ELMO2: variants seen among roughly 807,000 people sequenced by gnomAD.
ELMO2 encodes engulfment and cell motility 2.
In ELMO2, 37 loss-of-function variants were observed where a neutral mutation model predicts 96.2. The ratio of observed to expected loss-of-function variants is 0.38; its 90% CI spans 0.30 to 0.51. The LOEUF (loss-of-function observed/expected upper bound fraction) is 0.51, where lower values mean the gene tolerates loss of function less well. Among genes scored for constraint, ELMO2 ranks in the 20% least tolerant of loss-of-function variants. ELMO2 has a pLI of 0.88. For synonymous variants in ELMO2, 315 were observed against 329.4 expected, an observed-to-expected ratio of 0.96 and a Z score of 0.47; for missense variants, 561 against 912.6, an observed-to-expected ratio of 0.61 and a Z score of 4.96.
At chr20:46,376,575 T>C in intron 11 of ELMO2, 1 of 1,252,406 alleles carries the variant, frequency 8.0e-7, no homozygotes, top group Non-Finnish European at 1.0e-6. Context: ...ATGCTATGTC[T>C]CCCTCGGTCT....
At position 46,375,099 on chromosome 20, in the gene ELMO2, A is replaced by G; in HGVS notation, c.1065+137T>C. 8.2e-7 allele frequency: 1 copy of G among 1,220,792 alleles called. No individual in the cohort carries two copies. The highest frequency in any genetic ancestry group is 2.4e-5 in the Admixed American group (1 of 42,380). The allele number at this position is 1,220,792 out of a possible 1,614,324, so 75.6% of individuals were successfully genotyped here. A position where few individuals can be genotyped will look rare whatever the true frequency, so the allele number is the denominator to read the frequency against. ...CCATCAACAAAGCAAAGCAAGCATT[A>G]AAGCTCCACCAGCTTCCTAACTGTC... On this transcript the variant is annotated intron_variant, in intron 13 of 21. Transcript: ENST00000290246. This position sits in a 1 kb window ranked among gnomAD's most constrained non-coding sequence, Gnocchi z 4.6.
rs1310542452 is a variant in ELMO2, at chr20:46,369,962, G to A, written c.1884+481C>T. On this transcript the variant is annotated intron_variant, in intron 20 of 21. Coordinates refer to ENST00000290246, the MANE Select transcript of ELMO2 (RefSeq NM_133171.5). ...TGGTTTAGACAAGATGGGTATGGGG[G>A]TGTGTGTGTGTGTGTGTGTGTGTGT... 1.2e-3 allele frequency: 5 copies of A among 4,084 alleles called. No individual in the cohort carries two copies. In the Non-Finnish European group the frequency reaches 0.02, roughly 17 times the overall value. The allele number at this position is 4,084 out of a possible 1,614,324, so 0.3% of individuals were successfully genotyped here.
chr20:46,392,453 CCTT>C (rs1377783000), intron 6 of ELMO2, among the ~76,000 whole-genome samples: 5 of 152,224 alleles, frequency 3.3e-5, no homozygotes, highest in African/African-American at 4.8e-5. Flanking sequence ...CTACCACCAA[CCTT>C]CTTCTTAAGG....
rs2059608427 is a variant in ELMO2, at chr20:46,367,554, T to C, written c.1969A>G (p.Ile657Val). ...FIAPNKYEYC[I>V]WIDGLSALLG... ...AGGGCACTGAGGCCATCAATCCAGA[T>C]GCAGTACTGTGGGGAGCAAGTTGCA... The change falls in exon 22 of 22, where the codon ATC becomes GTC. Residue 657 changes from isoleucine (I) to valine (V), a missense_variant. Ile to Val is a conservative substitution (Grantham distance 29). Transcript: ENST00000290246. 3.7e-6 allele frequency: 6 copies of C among 1,610,578 alleles called. No homozygotes were observed. In the East Asian group the frequency reaches 1.3e-4, roughly 36 times the overall value.
In ELMO2 at chr20:46,385,984, G is replaced by A. The variant is rs1303651470; in HGVS notation, c.677+140C>T. ...AATGATGGGAGAAATTCTGGCAGGA[G>A]TGTGGAAGAGGTGATGAATGAAGAA... On this transcript the variant is annotated intron_variant, in intron 9 of 21. Transcript: ENST00000290246. 1.8e-5 allele frequency: 16 copies of A among 891,072 alleles called. No homozygotes were observed. In the African/African-American group the frequency reaches 2.1e-4, roughly 12 times the overall value. 55.2% of individuals were successfully genotyped at this position (891,072 alleles called of 1,614,324 possible). A position where few individuals can be genotyped will look rare whatever the true frequency, so the allele number is the denominator to read the frequency against.
intron 20 of ELMO2, chr20:46,369,964 GTGTGTGTGTGT>G (rs1600816811): frequency 1.1e-3 from 6 of 5,450 alleles, no homozygotes; most frequent in East Asian, 0.028. Flanking sequence ...GTATGGGGGT[GTGTGTGTGTGT>G]GTGTGTGTGT....
intron 11 of ELMO2, chr20:46,376,582 G>T (rs573936200): frequency 2.4e-6 from 3 of 1,272,176 alleles, no homozygotes; most frequent in South Asian, 2.5e-5. Flanking sequence ...GTCTCCCTCG[G>T]TCTGTCCTAG....
chr20:46,370,993 G>C (rs1185817567), intron 19 of ELMO2, among the ~76,000 whole-genome samples: 2 of 152,204 alleles, frequency 1.3e-5, no homozygotes, highest in Non-Finnish European at 2.9e-5. Context: ...TACAGGAGAA[G>C]AAACCAAGGC....
intron 21 of ELMO2, 37 bp from the exon 22 acceptor site, chr20:46,367,597 C>T (rs748094418): frequency 5.9e-6 from 9 of 1,537,516 alleles, no homozygotes; most frequent in Non-Finnish European, 7.9e-6. Flanking sequence ...ACATCGTGAC[C>T]CCTGGTCAGC....
chr20:46,399,349 G>A (rs1362725853), intron 1 of ELMO2, among the ~76,000 whole-genome samples: 1 of 152,144 alleles, frequency 6.6e-6, no homozygotes, highest in African/African-American at 2.4e-5. Context: ...TAGCCATCCT[G>A]GACTACGGGC....
chr20:46,382,233 G>A lies in ELMO2; in HGVS notation c.756+1183C>T, dbSNP rs751542091. The A allele has an allele frequency of 5.4e-6, 7 of 1,289,852 alleles. No homozygotes were observed. The South Asian group carries it at 7.4e-5, about 14-fold the overall frequency. The allele number at this position is 1,289,852 out of a possible 1,614,324, so 79.9% of individuals were successfully genotyped here. The stretch of plus-strand genomic sequence containing the variant: ...TGACAGGCAGGTCTAGAGGATTAAG[G>A]TGCTTGTCCTGCCGGCAGAAAGCAA... On this transcript the variant is annotated intron_variant, in intron 10 of 21. Transcript: ENST00000290246.
At chr20:46,386,498 C>T (rs2060047161) in intron 8 of ELMO2, among the ~76,000 whole-genome samples, 1 of 152,184 alleles carries the variant, frequency 6.6e-6, no homozygotes, top group South Asian at 2.1e-4. Flanking sequence ...AATTGTGTTT[C>T]CTCAAAATCT....
chr20:46,379,335 C>G (rs993959065), intron 11 of ELMO2, among the ~76,000 whole-genome samples: 3 of 152,052 alleles, frequency 2.0e-5, no homozygotes, highest in Non-Finnish European at 1.5e-5. Context: ...CTCTCCTCCT[C>G]CACTCCCACC....
chr20:46,402,577 G>A (rs2145862725), intron 1 of ELMO2, among the ~76,000 whole-genome samples: 1 of 152,346 alleles, frequency 6.6e-6, no homozygotes, highest in East Asian at 1.9e-4. Flanking sequence ...GCTTGGGTAG[G>A]GAGGGAGTGT....
intron 16 of ELMO2, 27 bp downstream of exon 16, chr20:46,373,372 G>A (rs2059772068): frequency 6.2e-7 from 1 of 1,612,966 alleles, no homozygotes; most frequent in Non-Finnish European, 8.5e-7. Flanking sequence ...CCTCCCGTGG[G>A]CCTCAGAGCA....
At position 46,374,426 on chromosome 20, in the gene ELMO2, G is replaced by A. The variant is rs377000339; in HGVS notation, c.1185C>T (p.Asn395=). The A allele has an allele frequency of 6.2e-7, 1 of 1,614,136 alleles. No individual in the cohort carries two copies. Among genetic ancestry groups the A allele is most frequent in the Non-Finnish European group, 8.5e-7 (1 of 1,180,008 alleles). The change falls in exon 15 of 22, where the codon AAC becomes AAT. Residue 395 remains asparagine (N), a synonymous_variant. Coordinates refer to ENST00000290246, the MANE Select transcript of ELMO2 (RefSeq NM_133171.5). ...QDTYIRIVLE[N]SSREDKHECP... ...ATTCATGTTTGTCTTCCCGGCTACT[G>A]TTCTCCAAGACAATCTGTCGGGGGA...
Position 46,375,895 on chromosome 20 carries a change from C to CCTG in ELMO2, c.808-106_808-105insCAG. On this transcript the variant is annotated intron_variant, in intron 11 of 21. Transcript: ENST00000290246. The surrounding 1 kb of genome is among the most constrained non-coding windows in gnomAD (Gnocchi z 4.6). ...AATGTATGTTGGGAAGGGAACAGAG[C>CCTG]TTTCCTCCCACACACGAGGACTTCA... is the stretch of plus-strand genomic sequence containing the variant. 6.8e-7 allele frequency: 1 copy of CCTG among 1,461,628 alleles called. No homozygotes were observed. Among genetic ancestry groups the CCTG allele is most frequent in the Non-Finnish European group, 9.3e-7 (1 of 1,073,130 alleles). The allele number at this position is 1,461,628 out of a possible 1,614,324, so 90.5% of individuals were successfully genotyped here.
Position 46,373,447 on chromosome 20 carries a change from C to T in ELMO2, c.1368G>A (p.Leu456=). 6.2e-7 allele frequency: 1 copy of T among 1,614,188 alleles called. No individual in the cohort carries two copies. The change falls in exon 16 of 22, where the codon TTG becomes TTA. Residue 456 remains leucine (L), a synonymous_variant. Coordinates refer to ENST00000290246, the MANE Select transcript of ELMO2 (RefSeq NM_133171.5). ...CCCTCATCTCCTTCCAGGTCTTGTT[C>T]AACAGCTGGATGCAGATTCCAAAGA... ...EELFGICIQL[L]NKTWKEMRAT... is the part of the protein sequence containing the mutation.
At chr20:46,372,334 T>A (rs937332511) in intron 16 of ELMO2, among the ~76,000 whole-genome samples, 5 of 152,192 alleles carry the variant, frequency 3.3e-5, no homozygotes, top group Admixed American at 6.5e-5. Context: ...CATCTCCTGA[T>A]AGGTGTTGCC....
Sources: gnomAD v4.1 joint callset for allele counts (sites outside exome capture counted in the v4.1 genomes callset) on GRCh38, gnomAD v4.1.1 for gene constraint, Gnocchi (gnomAD v3.1) non-coding constraint, MANE v1.5 for transcripts, NCBI Gene and HGNC (gene_info 2026-07-23, HGNC 2026-07-21) for gene names.